GINS1: variants seen among roughly 807,000 people sequenced by gnomAD.
The protein encoded by GINS1 is DNA replication complex GINS protein PSF1.
In GINS1, 26 loss-of-function variants were observed where a neutral mutation model predicts 34.9. That is an observed-to-expected ratio of 0.74 (90% CI 0.55 to 1.03). GINS1 has a LOEUF of 1.03. Among genes scored for constraint, GINS1 ranks in the 50% least tolerant of loss-of-function variants. GINS1 has a pLI of 0.00. For synonymous variants in GINS1, 97 were observed against 84.4 expected (o/e 1.15, Z -0.82); for missense variants, 235 against 237.9 (o/e 0.99, Z 0.08).
intron 4 of GINS1, among the ~76,000 whole-genome samples, chr20:25,423,626 TTTTC>T (rs201494696): frequency 0.026 from 2,355 of 90,642 alleles, 52 homozygotes; most frequent in Middle Eastern, 0.06. Context: ...TTTTTTTTTT[TTTTC>T]CGAGACGGAG....
rs11478911 is a variant in GINS1 at position 25,411,943 on chromosome 20, C to CA, written c.76-1833dup. On this transcript the variant is annotated intron_variant, in intron 1 of 6. Coordinates refer to ENST00000262460, the MANE Select transcript of GINS1 (RefSeq NM_021067.5). Reference sequence around the variant, plus strand: ...GGGTGACAAGAACAAAACTCCGTCTCAAAAAAAAAAAAAATTAGCTGGGCA... The same window carrying CA: ...GGGTGACAAGAACAAAACTCCGTCTCAAAAAAAAAAAAAAATTAGCTGGGCA... Among the ~76,000 whole-genome samples the CA allele has an allele frequency of 2.0e-3, 268 of 136,100 alleles. 2 individuals are homozygous for CA. The highest frequency in any genetic ancestry group is 5.4e-3 in the African/African-American group (197 of 36,572). 89.3% of individuals were successfully genotyped at this position (136,100 alleles called of 152,430 possible). A position where few individuals can be genotyped will look rare whatever the true frequency, so the allele number is the denominator to read the frequency against.
chr20:25,435,129 A>G (rs921430759), intron 5 of GINS1, among the ~76,000 whole-genome samples: 3 of 152,142 alleles, frequency 2.0e-5, no homozygotes, highest in Non-Finnish European at 4.4e-5. Flanking sequence ...TCAAGTTACT[A>G]TCTTGTGATA....
intron 5 of GINS1, among the ~76,000 whole-genome samples, chr20:25,438,748 AT>A (rs2090467254): frequency 6.6e-6 from 1 of 151,764 alleles, no homozygotes; most frequent in Non-Finnish European, 1.5e-5. Flanking sequence ...TAATTTTTGT[AT>A]TTTTTGTACC....
intron 4 of GINS1, among the ~76,000 whole-genome samples, chr20:25,419,147 C>T (rs1273265128): frequency 6.6e-6 from 1 of 152,118 alleles, no homozygotes; most frequent in Non-Finnish European, 1.5e-5. Context: ...ATTACAAGGC[C>T]TATCACAGGG....
intron 1 of GINS1, among the ~76,000 whole-genome samples, chr20:25,412,552 C>G (rs1484944847): frequency 6.6e-6 from 1 of 151,630 alleles, no homozygotes; most frequent in Non-Finnish European, 1.5e-5. Flanking sequence ...GAGACTCCAT[C>G]TAAAAAAAAA....
Position 25,439,158 on chromosome 20 carries a change from G to T in GINS1, c.448-2544G>T, listed in dbSNP as rs112023809. On this transcript the variant is annotated intron_variant, in intron 5 of 6. Coordinates refer to ENST00000262460, the MANE Select transcript of GINS1 (RefSeq NM_021067.5). ...TAATGGAGATCTTTATAATGCATGA[G>T]TATGGATGACACTTGGGCCCACTGA... is the stretch of plus-strand genomic sequence containing the variant. Among the ~76,000 whole-genome samples the T allele has an allele frequency of 6.9e-3, 1,055 of 152,256 alleles. 5 individuals are homozygous for T. Among genetic ancestry groups the T allele is most frequent in the Middle Eastern group, 0.02 (6 of 294 alleles).
chr20:25,421,071 G>A (rs2090352511), intron 4 of GINS1: 1 of 476,172 alleles, frequency 2.1e-6, no homozygotes, highest in Non-Finnish European at 2.7e-6. Flanking sequence ...TGCTTCAATG[G>A]GTGACTGAAG....
chr20:25,409,986 T>C (rs1271361328), intron 1 of GINS1, among the ~76,000 whole-genome samples: 1 of 152,186 alleles, frequency 6.6e-6, no homozygotes. Flanking sequence ...CTCTCTGTTT[T>C]ACTCAAATTT....
At position 25,420,939 on chromosome 20, in the gene GINS1, C is replaced by T. The variant is rs2500407; in HGVS notation, c.330+2744C>T. On this transcript the variant is annotated intron_variant, in intron 4 of 6. Transcript: ENST00000262460. ...GACATCTCTGCTTGAGCAATTGCATCGTGGCAACTGCATCAGCCATTTTGG... is the reference window on the plus strand; with the variant it reads ...GACATCTCTGCTTGAGCAATTGCATTGTGGCAACTGCATCAGCCATTTTGG... The T allele has an allele frequency of 6.5e-3, 6,345 of 983,486 alleles. 268 individuals are homozygous for T. In the African/African-American group the frequency reaches 0.091, roughly 14 times the overall value. 60.9% of individuals were successfully genotyped at this position (983,486 alleles called of 1,614,324 possible).
intron 2 of GINS1, among the ~76,000 whole-genome samples, chr20:25,415,120 T>G (rs1024005360): frequency 1.3e-5 from 2 of 152,236 alleles, no homozygotes; most frequent in African/African-American, 4.8e-5. Context: ...TATCAGTTAC[T>G]TGAATATAGA....
At position 25,446,202 on chromosome 20, in the gene GINS1, G is replaced by A. The variant is rs187593563; in HGVS notation, c.*211G>A. 5.0e-6 allele frequency: 2 copies of A among 396,306 alleles called. No homozygotes were observed. Among genetic ancestry groups the A allele is most frequent in the Non-Finnish European group, 9.0e-6 (2 of 223,036 alleles). 24.5% of individuals were successfully genotyped at this position (396,306 alleles called of 1,614,324 possible). On this transcript the variant is annotated 3_prime_UTR_variant, in exon 7 of 7. Coordinates refer to ENST00000262460, the MANE Select transcript of GINS1 (RefSeq NM_021067.5). ...ACACTATTCTTCCTACTCTTTTTTGGTTTTGGTTTTGTTTTGTAGAGACTG... is the reference window on the plus strand; with the variant it reads ...ACACTATTCTTCCTACTCTTTTTTGATTTTGGTTTTGTTTTGTAGAGACTG...
At chr20:25,429,345 A>T (rs115323742) in intron 5 of GINS1, among the ~76,000 whole-genome samples, 1 of 151,952 alleles carries the variant, frequency 6.6e-6, no homozygotes, top group Admixed American at 6.6e-5. Context: ...GGATTGTGGG[A>T]TGGGTTTTTC....
chr20:25,434,201 T>C (rs2090441770), intron 5 of GINS1, among the ~76,000 whole-genome samples: 1 of 151,954 alleles, frequency 6.6e-6, no homozygotes, highest in Non-Finnish European at 1.5e-5. Context: ...GGAGAATCAC[T>C]TGAACCAGGA....
chr20:25,407,773 CG>C lies in GINS1; in HGVS notation c.-47del. On this transcript the variant is annotated 5_prime_UTR_variant, in exon 1 of 7. Transcript: ENST00000262460. Reference sequence around the variant, plus strand: ...GCCGAGAGCCCAGATACCATTTTGGCGTGAGAGCTGGTGGTTGGCAAGGCCG... The same window carrying C: ...GCCGAGAGCCCAGATACCATTTTGGCTGAGAGCTGGTGGTTGGCAAGGCCG... 1 of 1,428,976 alleles carries C rather than the reference CG, an allele frequency of 7.0e-7. No individual in the cohort carries two copies. Among genetic ancestry groups the C allele is most frequent in the South Asian group, 1.2e-5 (1 of 86,862 alleles). 88.5% of individuals were successfully genotyped at this position (1,428,976 alleles called of 1,614,324 possible).
chr20:25,419,661 A>C (rs1232373192), intron 4 of GINS1: 1 of 695,140 alleles, frequency 1.4e-6, no homozygotes, highest in Non-Finnish European at 2.0e-6. Flanking sequence ...ATTTTAGATT[A>C]ATTTTTTTGT....
intron 2 of GINS1, among the ~76,000 whole-genome samples, chr20:25,414,247 G>A (rs951310953): frequency 6.6e-6 from 1 of 150,998 alleles, no homozygotes; most frequent in Non-Finnish European, 1.5e-5. Flanking sequence ...ATTAGTTTTG[G>A]GATGCGATTT....
chr20:25,410,500 C>T (rs1350304144), intron 1 of GINS1, among the ~76,000 whole-genome samples: 1 of 152,188 alleles, frequency 6.6e-6, no homozygotes, highest in Non-Finnish European at 1.5e-5. Flanking sequence ...GCCTCCGACT[C>T]AGCGGCACAG....
chr20:25,436,733 C>A (rs769851531), intron 5 of GINS1, among the ~76,000 whole-genome samples: 1 of 152,130 alleles, frequency 6.6e-6, no homozygotes, highest in Non-Finnish European at 1.5e-5. Context: ...TCCTGTAGTT[C>A]TTAGAGCATC....
In GINS1 at chr20:25,448,406, T is replaced by G. The variant is rs963443119; in HGVS notation, c.*2415T>G. On this transcript the variant is annotated 3_prime_UTR_variant, in exon 7 of 7. Transcript: ENST00000262460. Reference sequence around the variant, plus strand: ...TGATGCTAAATGGTATTTTAAAATTTCAAATTCTAACCACTTGTTGCTAGT... The same window carrying G: ...TGATGCTAAATGGTATTTTAAAATTGCAAATTCTAACCACTTGTTGCTAGT... 1 of 152,240 alleles carries G rather than the reference T, an allele frequency of 6.6e-6. No homozygotes were observed. Among genetic ancestry groups the G allele is most frequent in the Non-Finnish European group, 1.5e-5 (1 of 68,046 alleles). The allele number at this position is 152,240 out of a possible 1,614,324, so 9.4% of individuals were successfully genotyped here. A position where few individuals can be genotyped will look rare whatever the true frequency, so the allele number is the denominator to read the frequency against.
Sources: allele counts gnomAD v4.1 joint callset (sites outside exome capture counted in the v4.1 genomes callset), GRCh38; gene constraint gnomAD v4.1.1; transcripts MANE v1.5; gene names NCBI Gene and HGNC (gene_info 2026-07-23, HGNC 2026-07-21).